QTMAN: variants seen among roughly 807,000 people sequenced by gnomAD.
QTMAN encodes the protein queuosine-tRNA mannosyltransferase, also known as tRNA-queuosine alpha-mannosyltransferase.
chr2:144,145,960 TC>T, the QTMAN span: 1 of 132,938 alleles, frequency 7.5e-6, no homozygotes, highest in Admixed American at 1.2e-4. Context: ...ACTGGTCTTC[TC>T]AGTGCAGTTA....
chr2:144,329,466 G>GA, the QTMAN span, among the ~76,000 whole-genome samples: 1 of 152,182 alleles, frequency 6.6e-6, no homozygotes, highest in Non-Finnish European at 1.5e-5. Flanking sequence ...TCTATATGCT[G>GA]AAAAACATAT....
At chr2:143,990,759 T>C in the QTMAN span, among the ~76,000 whole-genome samples, 19,081 of 151,928 alleles carry the variant, frequency 0.13, 2,061 homozygotes, top group African/African-American at 0.27. Context: ...AAAAAACACA[T>C]AGGAAATAAA....
At chr2:144,182,116 TA>T in the QTMAN span, among the ~76,000 whole-genome samples, 450 of 150,214 alleles carry the variant, frequency 3.0e-3, 2 homozygotes, top group African/African-American at 0.01. Context: ...TAAAAGAGAA[TA>T]AAAAAAAAGT....
chr2:144,293,569 C>T, the QTMAN span, among the ~76,000 whole-genome samples: 3 of 152,148 alleles, frequency 2.0e-5, no homozygotes, highest in East Asian at 5.8e-4. Flanking sequence ...TTAAGTCCTC[C>T]CTGTGTCCAC....
the QTMAN span, chr2:144,317,648 A>G: frequency 6.6e-6 from 1 of 152,214 alleles, no homozygotes; most frequent in Non-Finnish European, 1.5e-5. Flanking sequence ...ATGTTTTGTC[A>G]TTTCAGAAAG....
chr2:144,175,930 G>A, the QTMAN span, among the ~76,000 whole-genome samples: 1 of 152,130 alleles, frequency 6.6e-6, no homozygotes, highest in African/African-American at 2.4e-5. Context: ...CTCTGAAAGT[G>A]CTGAGATTAC....
At chr2:144,163,717 TA>T in the QTMAN span, among the ~76,000 whole-genome samples, 1 of 152,202 alleles carries the variant, frequency 6.6e-6, no homozygotes, top group Non-Finnish European at 1.5e-5. Flanking sequence ...CATATTTGTT[TA>T]AAACCCCACA....
chr2:143,987,519 G>A, the QTMAN span, among the ~76,000 whole-genome samples: 4 of 152,142 alleles, frequency 2.6e-5, no homozygotes, highest in Admixed American at 6.5e-5. Context: ...CCTCTTCTGG[G>A]TTTTCACTTA....
At chr2:144,227,952 T>C in the QTMAN span, among the ~76,000 whole-genome samples, 1 of 152,202 alleles carries the variant, frequency 6.6e-6, no homozygotes, top group Admixed American at 6.5e-5. Flanking sequence ...CCAATGAGAA[T>C]TAGACAGAAG....
the QTMAN span, among the ~76,000 whole-genome samples, chr2:144,027,996 G>A: frequency 2.0e-5 from 3 of 152,062 alleles, no homozygotes; most frequent in African/African-American, 4.8e-5. Flanking sequence ...AAACTCCTTC[G>A]ACCACTTCTA....
the QTMAN span, among the ~76,000 whole-genome samples, chr2:143,994,393 A>AC: frequency 2.0e-5 from 3 of 151,596 alleles, no homozygotes; most frequent in Non-Finnish European, 2.9e-5. Context: ...TAGGTATCTA[A>AC]CCCCCCCAAA....
chr2:144,050,758 T>C, the QTMAN span, among the ~76,000 whole-genome samples: 1 of 151,798 alleles, frequency 6.6e-6, no homozygotes, highest in Non-Finnish European at 1.5e-5. Flanking sequence ...GTTGGTGAAG[T>C]TGGTTTATTT....
At chr2:144,014,742 T>C in the QTMAN span, among the ~76,000 whole-genome samples, 2 of 152,222 alleles carry the variant, frequency 1.3e-5, no homozygotes, top group African/African-American at 2.4e-5. Context: ...CATTTCCTGA[T>C]GTCTGTCCTT....
chr2:144,199,160 ATC>A, the QTMAN span, among the ~76,000 whole-genome samples: 1 of 151,384 alleles, frequency 6.6e-6, no homozygotes, highest in African/African-American at 2.4e-5. Context: ...CGATTCTCCT[ATC>A]TCAGCCTCCT....
chr2:144,146,227 T>G, the QTMAN span, among the ~76,000 whole-genome samples: 1 of 148,374 alleles, frequency 6.7e-6, no homozygotes, highest in Non-Finnish European at 1.5e-5. Context: ...AATAGACTTA[T>G]CTAGTATGGT....
chr2:144,195,170 C>T, the QTMAN span, among the ~76,000 whole-genome samples: 1 of 151,974 alleles, frequency 6.6e-6, no homozygotes, highest in African/African-American at 2.4e-5. Context: ...CATCAAAACT[C>T]ACAATATCTA....
At chr2:144,018,810 T>A in the QTMAN span, among the ~76,000 whole-genome samples, 1 of 152,168 alleles carries the variant, frequency 6.6e-6, no homozygotes, top group South Asian at 2.1e-4. Context: ...TGGTAGGTGC[T>A]TCAATCAGGA....
chr2:144,316,368 T>C, the QTMAN span, among the ~76,000 whole-genome samples: 2 of 152,226 alleles, frequency 1.3e-5, no homozygotes, highest in Non-Finnish European at 2.9e-5. Flanking sequence ...CTTATTTTAA[T>C]GAGCTTCATG....
At chr2:144,133,456 A>AATATATATTAT in the QTMAN span, among the ~76,000 whole-genome samples, 40 of 44,438 alleles carry the variant, frequency 9.0e-4, 1 homozygote, top group African/African-American at 4.7e-3. Flanking sequence ...TATAATATAT[A>AATATATATTAT]ATATATATTA....
Sources: gnomAD v4.1 joint callset for allele counts (sites outside exome capture counted in the v4.1 genomes callset) on GRCh38, gnomAD v4.1.1 for gene constraint, MANE v1.5 for transcripts, NCBI Gene and HGNC (gene_info 2026-07-23, HGNC 2026-07-21) for gene names.